Variants in PSMA8 observed in about 807,000 individuals in gnomAD.
The protein encoded by PSMA8 is proteasome 20S subunit alpha 8.
A neutral mutation model predicts 32.4 loss-of-function variants in PSMA8; 18 were observed. The ratio of observed to expected loss-of-function variants is 0.56; its 90% confidence interval spans 0.38 to 0.82. The LOEUF (loss-of-function observed/expected upper bound fraction) is 0.82. Among genes scored for constraint, PSMA8 ranks in the 40% least tolerant of loss-of-function variants. The pLI is 0.00. For missense variants in PSMA8, 298 were observed against 300.7 expected (o/e 0.99, Z 0.07); for synonymous variants, 104 against 98.1 (o/e 1.06, Z -0.36).
At chr18:26,187,543 T>A (rs957733192) in intron 6 of PSMA8, among the ~76,000 whole-genome samples, 5 of 151,986 alleles carry the variant, frequency 3.3e-5, no homozygotes, top group Non-Finnish European at 5.9e-5. Flanking sequence ...AAAAACATAC[T>A]TCACCTATAA....
At chr18:26,149,503 G>A (rs2055028688) in intron 2 of PSMA8, among the ~76,000 whole-genome samples, 2 of 152,158 alleles carry the variant, frequency 1.3e-5, no homozygotes, top group Admixed American at 6.5e-5. Flanking sequence ...CAACTTAGAG[G>A]TCTCACATGT....
At chr18:26,152,581 T>G (rs975691388) in intron 3 of PSMA8, among the ~76,000 whole-genome samples, 2 of 152,126 alleles carry the variant, frequency 1.3e-5, no homozygotes, top group Non-Finnish European at 2.9e-5. Flanking sequence ...CACCTTGACC[T>G]CCCAAAGTTC....
chr18:26,172,094 C>T (rs909258315), intron 4 of PSMA8, among the ~76,000 whole-genome samples: 1 of 152,192 alleles, frequency 6.6e-6, no homozygotes, highest in Non-Finnish European at 1.5e-5. Context: ...GGAATGACAT[C>T]TTTATCTCAA....
intron 4 of PSMA8, among the ~76,000 whole-genome samples, chr18:26,159,030 A>G (rs2055114164): frequency 6.6e-6 from 1 of 152,026 alleles, no homozygotes; most frequent in Admixed American, 6.5e-5. Flanking sequence ...GCTACATGCC[A>G]GAGAAACCTA....
At position 26,147,210 on chromosome 18, in the gene PSMA8, C is replaced by CAAA. The variant is rs57358976; in HGVS notation, c.229+2545_229+2547dup. 1.4e-3 allele frequency among the ~76,000 whole-genome samples: 69 copies of CAAA among 48,066 alleles called. 1 individual carries two copies. Among genetic ancestry groups the CAAA allele is most frequent in the African/African-American group, 4.0e-3 (57 of 14,266 alleles). 31.5% of individuals were successfully genotyped at this position (48,066 alleles called of 152,430 possible). The stretch of plus-strand genomic sequence containing the variant: ...AGATCCAAACCATATCACCCTGTCT[C>CAAA]AAAAAAAAAAAAAAAAAAAAAAGAT... On this transcript the variant is annotated intron_variant, in intron 2 of 6. Coordinates refer to ENST00000415576, the MANE Select transcript of PSMA8 (RefSeq NM_001025096.2).
intron 3 of PSMA8, among the ~76,000 whole-genome samples, chr18:26,153,817 C>T (rs189830967): frequency 2.6e-5 from 4 of 152,114 alleles, no homozygotes; most frequent in East Asian, 1.9e-4. Context: ...TTCGTTGGCT[C>T]GCATTATAGA....
At chr18:26,171,212 C>T in intron 4 of PSMA8, 5 of 1,559,136 alleles carry the variant, frequency 3.2e-6, no homozygotes, top group Non-Finnish European at 4.3e-6. Flanking sequence ...TGAGCGGTGG[C>T]CAGGGCAGGT....
At chr18:26,191,065 G>A (rs8087432) in intron 6 of PSMA8, among the ~76,000 whole-genome samples, 8,868 of 152,184 alleles carry the variant, frequency 0.058, 415 homozygotes, top group East Asian at 0.15. Context: ...AAGAGTTCTG[G>A]AGTTGAAATA....
intron 4 of PSMA8, among the ~76,000 whole-genome samples, chr18:26,174,710 A>G (rs184685046): frequency 7.2e-5 from 11 of 152,360 alleles, no homozygotes; most frequent in Admixed American, 7.2e-4. Context: ...TACGTCGTAT[A>G]CTTCTGAGCA....
intron 2 of PSMA8, 55 bp from the exon 3 acceptor site, chr18:26,151,803 G>A (rs1422930071): frequency 1.4e-5 from 21 of 1,529,438 alleles, no homozygotes; most frequent in Non-Finnish European, 1.7e-5. Flanking sequence ...AAGGAAAAAT[G>A]TATTGTAAAA....
intron 4 of PSMA8, among the ~76,000 whole-genome samples, chr18:26,172,876 T>C (rs2055234610): frequency 6.6e-6 from 1 of 152,144 alleles, no homozygotes; most frequent in Non-Finnish European, 1.5e-5. Context: ...ACTTGGGGAA[T>C]CTACCACTTT....
intron 1 of PSMA8, among the ~76,000 whole-genome samples, chr18:26,136,873 C>T (rs2054915510): frequency 6.6e-6 from 1 of 152,162 alleles, no homozygotes; most frequent in Admixed American, 6.5e-5. Context: ...TGTATATTAT[C>T]TAACATTAGG....
At chr18:26,147,700 A>G (rs1318701845) in intron 2 of PSMA8, among the ~76,000 whole-genome samples, 1 of 152,100 alleles carries the variant, frequency 6.6e-6, no homozygotes, top group Non-Finnish European at 1.5e-5. Flanking sequence ...TTTGAGAAAA[A>G]GAAGTATAAA....
chr18:26,187,588 AG>A (rs1397052391), intron 6 of PSMA8, among the ~76,000 whole-genome samples: 1 of 152,180 alleles, frequency 6.6e-6, no homozygotes, highest in African/African-American at 2.4e-5. Flanking sequence ...AGATGGAAAA[AG>A]ATATTTCATG....
rs143865616 is a variant in PSMA8 at position 26,187,408 on chromosome 18, G to A, written c.661-4911G>A. ...AATACCAGCATTTGGGGAGACTGAG[G>A]CAGGAGGATAAGTTCTTACTTATCA... is the stretch of plus-strand genomic sequence containing the variant. On this transcript the variant is annotated intron_variant, in intron 6 of 6. Coordinates refer to ENST00000415576, the MANE Select transcript of PSMA8 (RefSeq NM_001025096.2). Among the ~76,000 whole-genome samples, 691 of 152,090 alleles carry A rather than the reference G, an allele frequency of 4.5e-3. 6 individuals are homozygous for A. Among genetic ancestry groups the A allele is most frequent in the African/African-American group, 0.015 (620 of 41,478 alleles).
rs138777780 is a variant in PSMA8 at position 26,187,115 on chromosome 18, C to T, written c.661-5204C>T. Among the ~76,000 whole-genome samples the T allele has an allele frequency of 3.3e-3, 499 of 152,292 alleles. 4 individuals carry two copies. The highest frequency in any genetic ancestry group is 0.011 in the African/African-American group (440 of 41,566). On this transcript the variant is annotated intron_variant, in intron 6 of 6. Coordinates refer to ENST00000415576, the MANE Select transcript of PSMA8 (RefSeq NM_001025096.2). ...ATCCCAGCACTTTGGGAGGCCAAGG[C>T]GGCCAGATCACCTGAGGTCAGCAGT...
In PSMA8 at chr18:26,158,186, A is replaced by G. The variant is rs753010966; in HGVS notation, c.419A>G (p.Asp140Gly). 1.2e-6 allele frequency: 2 copies of G among 1,608,092 alleles called. No individual in the cohort carries two copies. The highest frequency in any genetic ancestry group is 1.3e-5 in the African/African-American group (1 of 74,902). ...GISALIVGFD[D>G]DGISRLYQTD... is the part of the protein sequence containing the mutation. ...TCTGCCTTAATTGTAGGTTTTGATG[A>G]TGATGGTATCTCAAGATTGTATCAG... The change falls in exon 4 of 7, where the codon GAT (aspartate) becomes GGT (glycine). Residue 140 changes from aspartate (D) to glycine (G), a missense_variant. Physicochemically the swap from Asp to Gly is moderately conservative, Grantham distance 94. Coordinates refer to ENST00000415576, the MANE Select transcript of PSMA8 (RefSeq NM_001025096.2).
intron 2 of PSMA8, among the ~76,000 whole-genome samples, chr18:26,151,281 C>G (rs1321915564): frequency 6.6e-6 from 1 of 152,142 alleles, no homozygotes; most frequent in Non-Finnish European, 1.5e-5. Context: ...ACAAAGTGGA[C>G]ATGGAAAAGT....
chr18:26,192,568 T>A lies in PSMA8; in HGVS notation c.*157T>A. 1 of 792,050 alleles carries A rather than the reference T, an allele frequency of 1.3e-6. No homozygotes were observed. Among genetic ancestry groups the A allele is most frequent in the Non-Finnish European group, 1.8e-6 (1 of 568,670 alleles). The allele number at this position is 792,050 out of a possible 1,614,324, so 49.1% of individuals were successfully genotyped here. A position where few individuals can be genotyped will look rare whatever the true frequency, so the allele number is the denominator to read the frequency against. ...GCCAGATCTGTGGCTGTCTTCATTC[T>A]ATTACATAGTCAAACATAGGTTTAT... On this transcript the variant is annotated 3_prime_UTR_variant, in exon 7 of 7. Coordinates refer to ENST00000415576, the MANE Select transcript of PSMA8 (RefSeq NM_001025096.2).
Sources: allele counts gnomAD v4.1 joint callset (sites outside exome capture counted in the v4.1 genomes callset), GRCh38; gene constraint gnomAD v4.1.1; transcripts MANE v1.5; gene names NCBI Gene and HGNC (gene_info 2026-07-23, HGNC 2026-07-21).